The following MED27 variants were observed in gnomAD, a reference collection of about 807,000 sequenced individuals.
MED27 encodes the protein mediator complex subunit 27, also known as mediator of RNA polymerase II transcription subunit 27.
In MED27, 30 loss-of-function variants were observed where a neutral mutation model predicts 38.2. The ratio of observed to expected loss-of-function variants is 0.79; its 90% confidence interval spans 0.59 to 1.07. MED27 has a LOEUF of 1.07. Among genes scored for constraint, MED27 ranks in the 50% least tolerant of loss-of-function variants. The pLI is 0.00. For synonymous variants in MED27, 122 were observed against 153.5 expected (o/e 0.79, Z 1.52); for missense variants, 289 against 397.5 (o/e 0.73, Z 2.32).
chr9:132,051,439 C>T lies in MED27; in HGVS notation c.348+26003G>A, dbSNP rs1467542823. On this transcript the variant is annotated intron_variant, in intron 2 of 7. Coordinates refer to ENST00000292035, the MANE Select transcript of MED27 (RefSeq NM_004269.4). The surrounding 1 kb of genome is among the most constrained non-coding windows in gnomAD (Gnocchi z 4.2). The stretch of plus-strand genomic sequence containing the variant: ...AAGGCTCCCTGTCTCAGAGGCTCTA[C>T]GTTCTTTCTCACCCCATCACTAGAG... Among the ~76,000 whole-genome samples the T allele has an allele frequency of 2.0e-5, 3 of 152,202 alleles. No homozygotes were observed. Among genetic ancestry groups the T allele is most frequent in the Non-Finnish European group, 4.4e-5 (3 of 68,040 alleles).
At chr9:132,046,373 G>A (rs1259173328) in intron 2 of MED27, among the ~76,000 whole-genome samples, 1 of 151,940 alleles carries the variant, frequency 6.6e-6, no homozygotes. Flanking sequence ...TATTGCTATG[G>A]AATATAAACT....
intron 4 of MED27, among the ~76,000 whole-genome samples, chr9:131,922,608 T>G (rs1830414581): frequency 6.7e-6 from 1 of 150,156 alleles, no homozygotes; most frequent in Non-Finnish European, 1.5e-5. Flanking sequence ...ACCCAGCTAA[T>G]TTTTGTATTT....
chr9:131,898,330 G>A (rs1829869061), intron 4 of MED27, among the ~76,000 whole-genome samples: 2 of 151,882 alleles, frequency 1.3e-5, no homozygotes, highest in Admixed American at 1.3e-4. Context: ...TGCCTCCTGG[G>A]TTCAAGCGAT....
chr9:131,955,547 T>G lies in MED27; in HGVS notation c.480-16073A>C, dbSNP rs79605625. Among the ~76,000 whole-genome samples the G allele has an allele frequency of 1.5e-3, 223 of 152,266 alleles. 1 individual carries two copies. Among genetic ancestry groups the G allele is most frequent in the African/African-American group, 5.2e-3 (217 of 41,554 alleles). On this transcript the variant is annotated intron_variant, in intron 3 of 7. Coordinates refer to ENST00000292035, the MANE Select transcript of MED27 (RefSeq NM_004269.4). ...CAAGAGCAAAAAGAGGGAAGATAATTTATCAATATCAGGAATGAATGATGA... is the reference window on the plus strand; with the variant it reads ...CAAGAGCAAAAAGAGGGAAGATAATGTATCAATATCAGGAATGAATGATGA...
intron 6 of MED27, among the ~76,000 whole-genome samples, chr9:131,874,622 A>T (rs1838896433): frequency 2.0e-5 from 3 of 152,194 alleles, no homozygotes; most frequent in African/African-American, 7.2e-5. Context: ...AAACCCCAGG[A>T]TAGACACGAG....
intron 2 of MED27, among the ~76,000 whole-genome samples, chr9:132,076,819 T>C (rs745313593): frequency 9.4e-5 from 14 of 149,712 alleles, no homozygotes; most frequent in Non-Finnish European, 1.6e-4. Flanking sequence ...TAATTGTTTC[T>C]GTTATTTTTC....
rs1032376076 is a variant in MED27, at chr9:131,861,961, A to AG, written c.801+1101dup. 2.0e-5 allele frequency among the ~76,000 whole-genome samples: 3 copies of AG among 152,272 alleles called. No individual in the cohort carries two copies. The highest frequency in any genetic ancestry group is 4.4e-5 in the Non-Finnish European group (3 of 68,022). ...TCCCACAGTCAGTTACCAAAGGGAA[A>AG]GGGGGCATTACAACGTGTTAGGCTC... On this transcript the variant is annotated intron_variant, in intron 7 of 7. Transcript: ENST00000292035. The surrounding 1 kb of genome is among the most constrained non-coding windows in gnomAD (Gnocchi z 4.4).
intron 2 of MED27, among the ~76,000 whole-genome samples, 192 bp from the exon 3 acceptor site, chr9:132,014,659 C>G (rs933194759): frequency 6.6e-6 from 1 of 152,108 alleles, no homozygotes; most frequent in African/African-American, 2.4e-5. Context: ...GGAAACAAAA[C>G]AAGAACAAGA....
chr9:131,974,547 C>T (rs1831562399), intron 3 of MED27, among the ~76,000 whole-genome samples: 2 of 152,160 alleles, frequency 1.3e-5, no homozygotes. Flanking sequence ...AAGTTTAATT[C>T]TCTCATTTAA....
At chr9:131,914,864 C>T (rs1367038109) in intron 4 of MED27, among the ~76,000 whole-genome samples, 1 of 152,142 alleles carries the variant, frequency 6.6e-6, no homozygotes, top group African/African-American at 2.4e-5. Context: ...ATATGCTTCT[C>T]AGGAAGAACC....
intron 2 of MED27, among the ~76,000 whole-genome samples, chr9:132,027,133 G>C (rs557338069): frequency 6.6e-6 from 1 of 152,354 alleles, no homozygotes; most frequent in African/African-American, 2.4e-5. Context: ...GTAGGAATTT[G>C]AATTCTGAAT....
intron 2 of MED27, among the ~76,000 whole-genome samples, chr9:132,026,956 G>A (rs1832836533): frequency 6.6e-6 from 1 of 152,208 alleles, no homozygotes; most frequent in Non-Finnish European, 1.5e-5. Context: ...GTCAGGACTG[G>A]TATCCGGGGA....
At chr9:131,999,547 T>C (rs571183761) in intron 3 of MED27, among the ~76,000 whole-genome samples, 47 of 152,254 alleles carry the variant, frequency 3.1e-4, no homozygotes, top group Middle Eastern at 6.8e-3. Context: ...CCAAGGTACA[T>C]TGCAAGCTCC....
intron 6 of MED27, chr9:131,869,327 AT>A: frequency 1.1e-5 from 11 of 984,018 alleles, no homozygotes; most frequent in Non-Finnish European, 1.3e-5. Flanking sequence ...TTTGTTTTAC[AT>A]TTTTCAACAA....
At chr9:131,988,846 T>C (rs1237825566) in intron 3 of MED27, among the ~76,000 whole-genome samples, 1 of 149,178 alleles carries the variant, frequency 6.7e-6, no homozygotes, top group East Asian at 2.0e-4. Context: ...AGCAGTTAAA[T>C]TTGTGGGAAG....
chr9:132,006,063 A>C (rs1331841578), intron 3 of MED27, among the ~76,000 whole-genome samples: 1 of 152,156 alleles, frequency 6.6e-6, no homozygotes. Flanking sequence ...TTTCATGAAT[A>C]CTGTTACTTA....
At chr9:132,009,237 G>A (rs1339496161) in intron 3 of MED27, among the ~76,000 whole-genome samples, 1 of 152,202 alleles carries the variant, frequency 6.6e-6, no homozygotes, top group African/African-American at 2.4e-5. Context: ...ATAAATAAGT[G>A]AATGGGGTTT....
intron 2 of MED27, among the ~76,000 whole-genome samples, chr9:132,018,043 T>C (rs1306195928): frequency 6.6e-6 from 1 of 152,160 alleles, no homozygotes; most frequent in East Asian, 1.9e-4. Context: ...TCTTTGGAAA[T>C]GTGCTCCTGG....
chr9:131,887,395 C>G (rs561434534), intron 5 of MED27, among the ~76,000 whole-genome samples: 1 of 152,106 alleles, frequency 6.6e-6, no homozygotes, highest in Non-Finnish European at 1.5e-5. Flanking sequence ...ATAATACGGT[C>G]TATTTACCTG....
Sources: allele counts gnomAD v4.1 joint callset (sites outside exome capture counted in the v4.1 genomes callset), GRCh38; gene constraint gnomAD v4.1.1; non-coding constraint Gnocchi (gnomAD v3.1); transcripts MANE v1.5; gene names NCBI Gene and HGNC (gene_info 2026-07-23, HGNC 2026-07-21).